Variants in FHIT observed in about 807,000 individuals in gnomAD.
The protein encoded by FHIT is fragile histidine triad diadenosine triphosphatase.
A neutral mutation model predicts 17.9 loss-of-function variants in FHIT; 19 were observed. That is an observed-to-expected ratio of 1.06 (90% confidence interval 0.74 to 1.56). The LOEUF is 1.56. Among genes scored for constraint, FHIT ranks in the 40% most tolerant of loss-of-function variants. FHIT has a pLI of 0.00. For missense variants in FHIT, 248 were observed against 189.2 expected, an observed-to-expected ratio of 1.31 and a Z score of -1.82; for synonymous variants, 81 against 69.7, an observed-to-expected ratio of 1.16 and a Z score of -0.81.
chr3:61,199,505 G>C (rs2038953314), intron 2 of FHIT, among the ~76,000 whole-genome samples: 1 of 152,008 alleles, frequency 6.6e-6, no homozygotes, highest in African/African-American at 2.4e-5. Flanking sequence ...ATGCACCAGA[G>C]TTTAGTTGCC....
At position 59,976,249 on chromosome 3, in the gene FHIT, G is replaced by A. The variant is rs185544416; in HGVS notation, c.279+35122C>T. On this transcript the variant is annotated intron_variant, in intron 7 of 9. Transcript: ENST00000492590. Reference sequence around the variant, plus strand: ...CTGAGCAAATGCTTTAGATAAAATCGAAGTTCTTTCTCTTCCCTGCCCTGA... The same window carrying A: ...CTGAGCAAATGCTTTAGATAAAATCAAAGTTCTTTCTCTTCCCTGCCCTGA... Among the ~76,000 whole-genome samples the A allele has an allele frequency of 2.2e-3, 338 of 152,068 alleles. 3 individuals carry two copies. The highest frequency in any genetic ancestry group is 7.8e-3 in the African/African-American group (324 of 41,500).
chr3:60,573,370 A>G (rs1184406197), intron 4 of FHIT, among the ~76,000 whole-genome samples: 1 of 152,166 alleles, frequency 6.6e-6, no homozygotes, highest in African/African-American at 2.4e-5. Context: ...TAAAAAGTAG[A>G]TGCTTTCCTC....
intron 8 of FHIT, among the ~76,000 whole-genome samples, chr3:59,767,969 A>C (rs562307935): frequency 2.1e-4 from 32 of 152,302 alleles, no homozygotes; most frequent in African/African-American, 6.7e-4. Flanking sequence ...GATGAACTCT[A>C]GGGTAGGTAG....
At chr3:60,974,982 T>C (rs907867918) in intron 3 of FHIT, among the ~76,000 whole-genome samples, 5 of 152,206 alleles carry the variant, frequency 3.3e-5, no homozygotes, top group Admixed American at 6.5e-5. Flanking sequence ...TCTATGTGTT[T>C]CATGTTTTTA....
chr3:60,457,184 T>C (rs2032153373), intron 5 of FHIT, among the ~76,000 whole-genome samples: 1 of 152,112 alleles, frequency 6.6e-6, no homozygotes, highest in South Asian at 2.1e-4. Context: ...CAAACAATAC[T>C]ACAAGGCTAC....
chr3:61,148,678 T>C (rs544564497), intron 2 of FHIT, among the ~76,000 whole-genome samples: 18 of 152,342 alleles, frequency 1.2e-4, no homozygotes, highest in East Asian at 9.6e-4. Flanking sequence ...TGTATATGTC[T>C]TTTTCATGAG....
intron 7 of FHIT, among the ~76,000 whole-genome samples, chr3:59,981,457 T>G (rs1173058234): frequency 1.3e-5 from 2 of 152,184 alleles, no homozygotes; most frequent in Non-Finnish European, 1.5e-5. Context: ...GCCCTTGAAC[T>G]GTGCTCTCTG....
intron 5 of FHIT, among the ~76,000 whole-genome samples, chr3:60,050,804 G>A (rs1358572556): frequency 1.3e-5 from 2 of 152,174 alleles, no homozygotes; most frequent in Non-Finnish European, 2.9e-5. Context: ...GCACCTGAGA[G>A]CTGGGAGTGC....
chr3:60,537,221 G>A (rs2036016379), intron 4 of FHIT, among the ~76,000 whole-genome samples: 1 of 151,966 alleles, frequency 6.6e-6, no homozygotes, highest in South Asian at 2.1e-4. Flanking sequence ...GCTTCCACGT[G>A]GACAATAAAA....
intron 5 of FHIT, among the ~76,000 whole-genome samples, chr3:60,212,058 C>T (rs1703475791): frequency 6.6e-6 from 1 of 152,176 alleles, no homozygotes; most frequent in Non-Finnish European, 1.5e-5. Flanking sequence ...CAAGTCTGCT[C>T]ACGCCCAGCA....
rs76235443 is a variant in FHIT, at chr3:60,591,838, C to T, written c.-17-54859G>A. ...TTGGAGGAGAATTGTCTGGCTCTAC[C>T]TTACAGTACACACTTCCCAAAGTCC... On this transcript the variant is annotated intron_variant, in intron 4 of 9. Transcript: ENST00000492590. Among the ~76,000 whole-genome samples, 565 of 152,092 alleles carry T rather than the reference C, an allele frequency of 3.7e-3. 6 individuals carry two copies. The highest frequency in any genetic ancestry group is 0.013 in the African/African-American group (534 of 41,512).
intron 5 of FHIT, among the ~76,000 whole-genome samples, chr3:60,301,414 TA>T (rs1708455147): frequency 6.6e-6 from 1 of 152,186 alleles, no homozygotes. Flanking sequence ...AAGCTATAAT[TA>T]CTGACTAAAC....
chr3:60,911,444 T>C (rs782341223), intron 3 of FHIT, among the ~76,000 whole-genome samples: 1 of 151,976 alleles, frequency 6.6e-6, no homozygotes, highest in Non-Finnish European at 1.5e-5. Flanking sequence ...CATCATGTGA[T>C]TTCAGAAGAG....
At chr3:61,020,285 C>T (rs2032343932) in intron 3 of FHIT, among the ~76,000 whole-genome samples, 1 of 152,148 alleles carries the variant, frequency 6.6e-6, no homozygotes, top group South Asian at 2.1e-4. Flanking sequence ...TCTCTAATGA[C>T]CAGTGATGAT....
At chr3:60,870,015 T>C (rs782239404) in intron 3 of FHIT, among the ~76,000 whole-genome samples, 27 of 152,132 alleles carry the variant, frequency 1.8e-4, no homozygotes, top group Admixed American at 7.2e-4. Flanking sequence ...AGACTTGCAA[T>C]AAATATTGTG....
At chr3:60,037,156 CTGAT>C (rs1300641818) in intron 5 of FHIT, among the ~76,000 whole-genome samples, 1 of 152,192 alleles carries the variant, frequency 6.6e-6, no homozygotes. Flanking sequence ...GTGAATTTAT[CTGAT>C]TATTATTTTG....
At chr3:59,823,129 T>C (rs1010059225) in intron 8 of FHIT, among the ~76,000 whole-genome samples, 2 of 152,140 alleles carry the variant, frequency 1.3e-5, no homozygotes, top group Admixed American at 1.3e-4. Flanking sequence ...GTTTATTTCT[T>C]GGTTCACTAT....
At chr3:60,641,243 T>C (rs554947410) in intron 4 of FHIT, among the ~76,000 whole-genome samples, 23 of 152,188 alleles carry the variant, frequency 1.5e-4, no homozygotes, top group East Asian at 9.7e-4. Context: ...ATCATGGAAG[T>C]TGGATGACAG....
intron 5 of FHIT, among the ~76,000 whole-genome samples, chr3:60,287,606 G>A (rs578176256): frequency 1.3e-5 from 2 of 152,120 alleles, no homozygotes; most frequent in Non-Finnish European, 2.9e-5. Flanking sequence ...GTGTTTTTGT[G>A]ATATGCTTTA....
Sources: allele counts gnomAD v4.1 joint callset (sites outside exome capture counted in the v4.1 genomes callset), GRCh38; gene constraint gnomAD v4.1.1; transcripts MANE v1.5; gene names NCBI Gene and HGNC (gene_info 2026-07-23, HGNC 2026-07-21).